RGS7: variants seen among roughly 807,000 people sequenced by gnomAD.
The protein encoded by RGS7 is regulator of G-protein signaling 7.
Under a neutral mutation model 81.1 loss-of-function variants are expected in RGS7, and 27 were observed. The observed-to-expected ratio is 0.33, with a 90% CI of 0.25 to 0.46. RGS7 has a LOEUF of 0.46. RGS7 is among the 20% of genes least tolerant of loss of function. RGS7 has a pLI of 1.00. For missense variants in RGS7, 396 were observed against 607.4 expected (o/e 0.65, Z 3.66); for synonymous variants, 208 against 207.7 (o/e 1.00, Z -0.01).
rs35903618 is a variant in RGS7 at position 241,341,870 on chromosome 1, C to CTTTTTT, written c.78+13823_78+13828dup. Among the ~76,000 whole-genome samples, 9 of 89,516 alleles carry CTTTTTT rather than the reference C, an allele frequency of 1.0e-4. 1 individual carries two copies. Among genetic ancestry groups the CTTTTTT allele is most frequent in the Admixed American group, 2.8e-4 (2 of 7,054 alleles). 58.7% of individuals were successfully genotyped at this position (89,516 alleles called of 152,430 possible). A position where few individuals can be genotyped will look rare whatever the true frequency, so the allele number is the denominator to read the frequency against. On this transcript the variant is annotated intron_variant, in intron 2 of 18. Coordinates refer to ENST00000440928, the MANE Select transcript of RGS7 (RefSeq NM_001364886.1). ...AGGTACAAGTAGACACTCTTCAACT[C>CTTTTTT]TTTTTTTTTTTTTTTTTTTTTTTTG...
At chr1:241,294,322 T>A (rs1430969281) in intron 2 of RGS7, among the ~76,000 whole-genome samples, 3 of 151,358 alleles carry the variant, frequency 2.0e-5, no homozygotes, top group Non-Finnish European at 4.4e-5. Flanking sequence ...ACCTAATGCA[T>A]GGGGGCTTAA....
At chr1:241,153,009 GC>G in intron 2 of RGS7, among the ~76,000 whole-genome samples, 2 of 152,316 alleles carry the variant, frequency 1.3e-5, no homozygotes, top group Admixed American at 1.3e-4. Flanking sequence ...GCAACTCAGT[GC>G]CCATTTTTAT....
intron 4 of RGS7, among the ~76,000 whole-genome samples, chr1:240,944,278 GTGTGTATATATATA>G (rs1169470818): frequency 3.9e-3 from 80 of 20,428 alleles, no homozygotes; most frequent in African/African-American, 9.4e-3. Context: ...GTGTGTGTGT[GTGTGTATATATATA>G]TATATATATA....
rs574053383 is a variant in RGS7 at position 241,342,207 on chromosome 1, A to G, written c.78+13492T>C. Reference sequence around the variant, plus strand: ...TCTTCAAGTCTTATACTGCCTGGATATTAGTCAGCTAGAAATAACAGTCCT... The same window carrying G: ...TCTTCAAGTCTTATACTGCCTGGATGTTAGTCAGCTAGAAATAACAGTCCT... On this transcript the variant is annotated intron_variant, in intron 2 of 18. Transcript: ENST00000440928. Among the ~76,000 whole-genome samples, 15 of 152,152 alleles carry G rather than the reference A, an allele frequency of 9.9e-5. No individual in the cohort carries two copies. In the South Asian group the frequency reaches 2.5e-3, roughly 25 times the overall value.
At chr1:240,842,692 G>C (rs975289656) in intron 9 of RGS7, among the ~76,000 whole-genome samples, 6 of 152,100 alleles carry the variant, frequency 3.9e-5, no homozygotes, top group African/African-American at 1.4e-4. Flanking sequence ...TCACTTCAAA[G>C]TTCTTCTGAT....
chr1:241,134,809 G>T (rs1194703805), intron 2 of RGS7, among the ~76,000 whole-genome samples: 1 of 152,112 alleles, frequency 6.6e-6, no homozygotes, highest in Non-Finnish European at 1.5e-5. Context: ...CTGAAAGCTT[G>T]AAGAGATGAG....
At chr1:241,134,920 G>A (rs1237605043) in intron 2 of RGS7, among the ~76,000 whole-genome samples, 1 of 151,926 alleles carries the variant, frequency 6.6e-6, no homozygotes, top group African/African-American at 2.4e-5. Context: ...ACAGCCGGCC[G>A]GAAGACACCT....
intron 2 of RGS7, among the ~76,000 whole-genome samples, chr1:241,286,684 C>A (rs2148426713): frequency 6.6e-6 from 1 of 152,328 alleles, no homozygotes; most frequent in African/African-American, 2.4e-5. Context: ...GTCTTTTGGG[C>A]TTTCTGAACA....
At chr1:241,284,102 A>G (rs2078669897) in intron 2 of RGS7, among the ~76,000 whole-genome samples, 1 of 151,910 alleles carries the variant, frequency 6.6e-6, no homozygotes. Context: ...AATCTTTGTC[A>G]GATAATTTTA....
intron 2 of RGS7, among the ~76,000 whole-genome samples, chr1:241,202,011 G>GACAC (rs60399497): frequency 0.17 from 24,479 of 144,812 alleles, 2,421 homozygotes; most frequent in Non-Finnish European, 0.23. Flanking sequence ...GACACACACA[G>GACAC]ACACACACAC....
At chr1:240,926,016 G>A (rs114661617) in intron 6 of RGS7, among the ~76,000 whole-genome samples, 2,000 of 152,182 alleles carry the variant, frequency 0.013, 33 homozygotes, top group African/African-American at 0.044. Context: ...ATAGATTTTT[G>A]ATATTAGACC....
intron 2 of RGS7, among the ~76,000 whole-genome samples, chr1:241,326,141 G>GCCT (rs2081479199): frequency 6.6e-6 from 1 of 152,136 alleles, no homozygotes; most frequent in African/African-American, 2.4e-5. Flanking sequence ...TACTCAAACA[G>GCCT]AGGTGTCTCT....
At chr1:240,850,130 A>G (rs565241749) in intron 9 of RGS7, among the ~76,000 whole-genome samples, 5 of 152,212 alleles carry the variant, frequency 3.3e-5, no homozygotes, top group Admixed American at 1.3e-4. Context: ...CAGTAAAGGC[A>G]TATCTCATTT....
intron 2 of RGS7, among the ~76,000 whole-genome samples, chr1:241,143,642 A>G (rs141310179): frequency 0.012 from 1,836 of 152,342 alleles, 44 homozygotes; most frequent in East Asian, 0.06. Context: ...GATCTGGGTG[A>G]AGACACAGCC....
chr1:241,058,988 A>G (rs868210836), intron 3 of RGS7, among the ~76,000 whole-genome samples: 2 of 152,164 alleles, frequency 1.3e-5, no homozygotes, highest in Non-Finnish European at 1.5e-5. Context: ...CAAAGTCAAC[A>G]ACACACTTCG....
intron 3 of RGS7, among the ~76,000 whole-genome samples, chr1:241,086,474 G>A (rs2063452383): frequency 6.6e-6 from 1 of 151,802 alleles, no homozygotes; most frequent in Non-Finnish European, 1.5e-5. Flanking sequence ...TGTCCTGAAA[G>A]TCTCCCGTGC....
chr1:240,838,638 G>T (rs747705305), intron 9 of RGS7, among the ~76,000 whole-genome samples: 30 of 152,190 alleles, frequency 2.0e-4, no homozygotes, highest in Admixed American at 4.6e-4. Flanking sequence ...TATTTTCAGT[G>T]CTAGGGAAAA....
chr1:241,066,094 T>A lies in RGS7; in HGVS notation c.175+32572A>T, dbSNP rs577049837. On this transcript the variant is annotated intron_variant, in intron 3 of 18. Coordinates refer to ENST00000440928, the MANE Select transcript of RGS7 (RefSeq NM_001364886.1). ...TATATCTTATAAATGAATAATGGAG[T>A]AAATGAAATTCTTATTCATCTCATC... Among the ~76,000 whole-genome samples, 8 of 152,216 alleles carry A rather than the reference T, an allele frequency of 5.3e-5. No homozygotes were observed. The South Asian group carries it at 1.5e-3, about 28-fold the overall frequency.
At position 241,164,980 on chromosome 1, in the gene RGS7, C is replaced by G. The variant is rs1030190770; in HGVS notation, c.79-66218G>C. On this transcript the variant is annotated intron_variant, in intron 2 of 18. Transcript: ENST00000440928. The surrounding 1 kb of genome is among the most constrained non-coding windows in gnomAD (Gnocchi z 4.1). Reference sequence around the variant, plus strand: ...TGTCATATCCATCACATTTCCAACTCATTCCAAGCAAATCCTCAGCTGATC... The same window carrying G: ...TGTCATATCCATCACATTTCCAACTGATTCCAAGCAAATCCTCAGCTGATC... 1.3e-5 allele frequency among the ~76,000 whole-genome samples: 2 copies of G among 152,188 alleles called. No homozygotes were observed. Among genetic ancestry groups the G allele is most frequent in the Non-Finnish European group, 2.9e-5 (2 of 68,022 alleles).
Sources: gnomAD v4.1 joint callset for allele counts (sites outside exome capture counted in the v4.1 genomes callset) on GRCh38, gnomAD v4.1.1 for gene constraint, Gnocchi (gnomAD v3.1) non-coding constraint, MANE v1.5 for transcripts, NCBI Gene and HGNC (gene_info 2026-07-23, HGNC 2026-07-21) for gene names.